The following SLC18A3 variants were observed in gnomAD, a reference collection of about 807,000 sequenced individuals.
SLC18A3 encodes solute carrier family 18 member A3.
Under a neutral mutation model 24.2 loss-of-function variants are expected in SLC18A3, and 18 were observed. That is an observed-to-expected ratio of 0.74 (90% CI 0.51 to 1.10). SLC18A3 has a LOEUF of 1.10. SLC18A3 is among the 50% of genes least tolerant of loss of function. SLC18A3 has a pLI of 0.00. For synonymous variants in SLC18A3, 415 were observed against 355.4 expected (o/e 1.17, Z -1.89); for missense variants, 744 against 750.7 (o/e 0.99, Z 0.10).
rs1297876171 is a variant in SLC18A3 at position 49,610,575 on chromosome 10, C to G, written c.-166C>G. 3.3e-6 allele frequency: 2 copies of G among 611,494 alleles called. No individual in the cohort carries two copies. Among genetic ancestry groups the G allele is most frequent in the Non-Finnish European group, 5.2e-6 (2 of 384,824 alleles). 37.9% of individuals were successfully genotyped at this position (611,494 alleles called of 1,614,324 possible). On this transcript the variant is annotated 5_prime_UTR_variant, in exon 1 of 1. Transcript: ENST00000374115. ...AACGCCTCGCCGGACGGAGTCCTTT[C>G]CTTTCCCGGGACGCTGGGCCATGAG...
Position 49,611,649 on chromosome 10 carries a change from T to A in SLC18A3, c.909T>A (p.Ile303=). ...CCGGCGCGCTCACCACCTGTAACAT[T>A]CCCCTCGCCTTCCTCGAACCCACCA... ...VVAGALTTCN[I]PLAFLEPTIA... The change falls in exon 1 of 1, where the codon ATT becomes ATA. Residue 303 remains isoleucine, a synonymous_variant. Coordinates refer to ENST00000374115, the MANE Select transcript of SLC18A3 (RefSeq NM_003055.3). 1 of 1,611,910 alleles carries A rather than the reference T, an allele frequency of 6.2e-7. No homozygotes were observed. The highest frequency in any genetic ancestry group is 8.5e-7 in the Non-Finnish European group (1 of 1,179,956).
In SLC18A3 at chr10:49,611,240, T is replaced by C; in HGVS notation, c.500T>C (p.Val167Ala). 2 of 1,613,718 alleles carry C rather than the reference T, an allele frequency of 1.2e-6. No individual in the cohort carries two copies. The highest frequency in any genetic ancestry group is 1.7e-6 in the Non-Finnish European group (2 of 1,180,000). Residue 167 changes from valine to alanine, a missense_variant, in exon 1 of 1, where the codon GTC becomes GCC. Coordinates refer to ENST00000374115, the MANE Select transcript of SLC18A3 (RefSeq NM_003055.3). Reference protein sequence around the residue: ...IGLGVMFASTVLFAFAEDYAT... With the variant: ...IGLGVMFASTALFAFAEDYAT... ...CTGGGCGTCATGTTCGCCTCTACAG[T>C]CCTGTTCGCCTTCGCCGAGGACTAC...
At position 49,611,268 on chromosome 10, in the gene SLC18A3, CA is replaced by C; in HGVS notation, c.529del (p.Thr177ArgfsTer21). 1 of 1,612,154 alleles carries C rather than the reference CA, an allele frequency of 6.2e-7. No homozygotes were observed. Among genetic ancestry groups the C allele is most frequent in the Non-Finnish European group, 8.5e-7 (1 of 1,179,980 alleles). On this transcript the variant is annotated frameshift_variant, in exon 1 of 1. Transcript: ENST00000374115. LOFTEE classifies it high-confidence loss of function. ...TGTTCGCCTTCGCCGAGGACTACGC[CA>C]CGCTGTTCGCGGCGCGCAGCCTGCA... ...VLFAFAEDYATLFAARSLQGL... is the reference protein window; with the variant it reads ...VLFAFAEDYAXLFAARSLQGL...
In SLC18A3 at chr10:49,611,279, C is replaced by G. The variant is rs771402838; in HGVS notation, c.539C>G (p.Ala180Gly). 6 of 1,610,666 alleles carry G rather than the reference C, an allele frequency of 3.7e-6. No homozygotes were observed. Among genetic ancestry groups the G allele is most frequent in the Middle Eastern group, 3.3e-4 (2 of 6,084 alleles). The change falls in exon 1 of 1, where the codon GCG becomes GGG. Residue 180 changes from alanine to glycine, a missense_variant. Ala to Gly is a moderately conservative substitution (Grantham distance 60, BLOSUM62 0). This residue lies in a region of SLC18A3 where 566 missense variants were observed against 566.2 expected (regional missense o/e 1.00). Coordinates refer to ENST00000374115, the MANE Select transcript of SLC18A3 (RefSeq NM_003055.3). Reference sequence around the variant, plus strand: ...GCCGAGGACTACGCCACGCTGTTCGCGGCGCGCAGCCTGCAGGGCCTGGGC... The same window carrying G: ...GCCGAGGACTACGCCACGCTGTTCGGGGCGCGCAGCCTGCAGGGCCTGGGC... ...AFAEDYATLF[A>G]ARSLQGLGSA...
Position 49,611,136 on chromosome 10 carries a change from T to C in SLC18A3, c.396T>C (p.Ala132=), listed in dbSNP as rs8175353. 0.022 allele frequency: 34,968 copies of C among 1,614,104 alleles called. 4,157 individuals carry two copies. The East Asian group carries it at 0.38, about 17-fold the overall frequency. The change falls in exon 1 of 1, where the codon GCT becomes GCC. Residue 132 remains alanine (A), a synonymous_variant. Coordinates refer to ENST00000374115, the MANE Select transcript of SLC18A3 (RefSeq NM_003055.3). ...VKIGVLFASK[A]ILQLLVNPLS... is the part of the protein sequence containing the mutation. ...TCGGGGTGCTGTTTGCTTCCAAGGC[T>C]ATCCTGCAGCTGCTAGTGAACCCCT... is the stretch of plus-strand genomic sequence containing the variant.
Position 49,610,724 on chromosome 10 carries a change from A to G in SLC18A3, c.-17A>G. The G allele has an allele frequency of 6.8e-7, 1 of 1,480,410 alleles. No individual in the cohort carries two copies. The highest frequency in any genetic ancestry group is 8.9e-7 in the Non-Finnish European group (1 of 1,120,140). The allele number at this position is 1,480,410 out of a possible 1,614,324, so 91.7% of individuals were successfully genotyped here. On this transcript the variant is annotated 5_prime_UTR_variant, in exon 1 of 1. Transcript: ENST00000374115. The stretch of plus-strand genomic sequence containing the variant: ...GCCCTGGCGGAGGCGTCCTCGGAAG[A>G]GCATCGGGGTGGGGGCATGGAATCC...
In SLC18A3 at chr10:49,610,686, A is replaced by T; in HGVS notation, c.-55A>T. ...CGTGCCCTCGCCTCTGCACTGCGGG[A>T]CGCCAGCGCTCGGCCCTGGCGGAGG... On this transcript the variant is annotated 5_prime_UTR_variant, in exon 1 of 1. Coordinates refer to ENST00000374115, the MANE Select transcript of SLC18A3 (RefSeq NM_003055.3). 6.9e-7 allele frequency: 1 copy of T among 1,438,896 alleles called. No individual in the cohort carries two copies. The highest frequency in any genetic ancestry group is 9.1e-7 in the Non-Finnish European group (1 of 1,099,868). 89.1% of individuals were successfully genotyped at this position (1,438,896 alleles called of 1,614,324 possible).
At position 49,612,300 on chromosome 10, in the gene SLC18A3, G is replaced by C. The variant is rs1838322556; in HGVS notation, c.1560G>C (p.Ala520=). The C allele has an allele frequency of 1.1e-5, 17 of 1,608,808 alleles. No individual in the cohort carries two copies. Among genetic ancestry groups the C allele is most frequent in the Non-Finnish European group, 1.4e-5 (17 of 1,177,956 alleles). The part of the protein sequence containing the change: ...EPRSPPGPFD[A]CEDDYNYYYT... ...GCAGCCCGCCTGGCCCTTTTGATGC[G>C]TGCGAGGACGACTACAACTACTACT... is the stretch of plus-strand genomic sequence containing the variant. The change falls in exon 1 of 1, where the codon GCG becomes GCC. Residue 520 remains alanine (A), a synonymous_variant. Transcript: ENST00000374115.
rs757619919 is a variant in SLC18A3 at position 49,611,361 on chromosome 10, G to A, written c.621G>A (p.Glu207=). The part of the protein sequence containing the change: ...IAMIADKYPE[E]PERSRALGVA... Reference sequence around the variant, plus strand: ...TGATCGCCGATAAGTACCCGGAGGAGCCGGAGCGCAGTCGTGCACTGGGCG... The same window carrying A: ...TGATCGCCGATAAGTACCCGGAGGAACCGGAGCGCAGTCGTGCACTGGGCG... Residue 207 remains glutamate (E), a synonymous_variant, in exon 1 of 1, where the codon GAG becomes GAA. Coordinates refer to ENST00000374115, the MANE Select transcript of SLC18A3 (RefSeq NM_003055.3). The A allele has an allele frequency of 1.0e-5, 16 of 1,600,398 alleles. No homozygotes were observed. The highest frequency in any genetic ancestry group is 1.4e-5 in the Non-Finnish European group (16 of 1,179,798).
chr10:49,611,728 GC>G lies in SLC18A3; in HGVS notation c.990del (p.Trp331GlyfsTer36). 1 of 1,606,050 alleles carries G rather than the reference GC, an allele frequency of 6.2e-7. No individual in the cohort carries two copies. Among genetic ancestry groups the G allele is most frequent in the Non-Finnish European group, 8.5e-7 (1 of 1,179,944 alleles). On this transcript the variant is annotated frameshift_variant, in exon 1 of 1. Transcript: ENST00000374115. LOFTEE classifies it high-confidence loss of function. ...GGCTTCCGAGTGGGAGATGGGCATGGCCTGGCTGCCGGCCTTCGTGCCTCAT... is the reference window on the plus strand; with the variant it reads ...GGCTTCCGAGTGGGAGATGGGCATGGCTGGCTGCCGGCCTTCGTGCCTCAT... Reference protein sequence around the residue: ...MAASEWEMGMAWLPAFVPHVL... With the variant: ...MAASEWEMGMXWLPAFVPHVL...
Position 49,612,700 on chromosome 10 carries a change from T to G in SLC18A3, c.*361T>G. 2 of 254,446 alleles carry G rather than the reference T, an allele frequency of 7.9e-6. No individual in the cohort carries two copies. Among genetic ancestry groups the G allele is most frequent in the South Asian group, 1.3e-4 (1 of 7,710 alleles). 15.8% of individuals were successfully genotyped at this position (254,446 alleles called of 1,614,324 possible). ...ACCGCGGCGCCTCCGCCCAAATCAA[T>G]AAACTGTGTCTGTCCCAGGAGGCCG... On this transcript the variant is annotated 3_prime_UTR_variant, in exon 1 of 1. Transcript: ENST00000374115.
chr10:49,611,055 G>A lies in SLC18A3; in HGVS notation c.315G>A (p.Trp105Ter). 6.2e-7 allele frequency: 1 copy of A among 1,614,006 alleles called. No individual in the cohort carries two copies. Among genetic ancestry groups the A allele is most frequent in the Non-Finnish European group, 8.5e-7 (1 of 1,179,956 alleles). Residue 105 changes from tryptophan (W) to a stop codon, truncating the protein, a stop_gained, in exon 1 of 1, where the codon TGG becomes TGA. Transcript: ENST00000374115. LOFTEE classifies it high-confidence loss of function. The stretch of plus-strand genomic sequence containing the variant: ...CCTCGGCGTCCCCGACAGCTGCGTG[G>A]CCAGCGGGCTCAGCCCTTCGGCCCC... Reference protein sequence around the residue: ...ANTSASPTAAWPAGSALRPRY... With the variant: ...ANTSASPTAA
chr10:49,611,952 G>T lies in SLC18A3; in HGVS notation c.1212G>T (p.Thr404=), dbSNP rs1460228975. Residue 404 remains threonine, a synonymous_variant, in exon 1 of 1, where the codon ACG becomes ACT. Coordinates refer to ENST00000374115, the MANE Select transcript of SLC18A3 (RefSeq NM_003055.3). ...TAGTCGACACAGCACTGCTGCCCAC[G>T]CTCGCCTTCCTGGTGGACGTGCGCC... ...IALVDTALLP[T]LAFLVDVRHV... 2.5e-6 allele frequency: 4 copies of T among 1,612,520 alleles called. No homozygotes were observed. The highest frequency in any genetic ancestry group is 2.7e-5 in the African/African-American group (2 of 75,050).
rs777372251 is a variant in SLC18A3 at position 49,611,789 on chromosome 10, C to T, written c.1049C>T (p.Ala350Val). Residue 350 changes from alanine (A) to valine (V), a missense_variant, in exon 1 of 1, where the codon GCG (alanine) becomes GTG (valine). This residue lies in a region of SLC18A3 where 566 missense variants were observed against 566.2 expected (regional missense o/e 1.00). Transcript: ENST00000374115. ...GTCTACCTCACCGTGCGCCTGGCGGCGCGCTACCCACACCTGCAGTGGCTG... is the reference window on the plus strand; with the variant it reads ...GTCTACCTCACCGTGCGCCTGGCGGTGCGCTACCCACACCTGCAGTGGCTG... ...LGVYLTVRLAARYPHLQWLYG... is the reference protein window; with the variant it reads ...LGVYLTVRLAVRYPHLQWLYG... 30 of 1,602,786 alleles carry T rather than the reference C, an allele frequency of 1.9e-5. No homozygotes were observed. The highest frequency in any genetic ancestry group is 2.3e-5 in the Non-Finnish European group (27 of 1,179,852).
Position 49,612,599 on chromosome 10 carries a change from T to C in SLC18A3, c.*260T>C. On this transcript the variant is annotated 3_prime_UTR_variant, in exon 1 of 1. Transcript: ENST00000374115. ...GTGAAGAGGACCCTGAGTCCCCACC[T>C]GCGGCTCCCCTGTGTAGAGCCTGCA... The C allele has an allele frequency of 4.1e-6, 2 of 491,408 alleles. No homozygotes were observed. Among genetic ancestry groups the C allele is most frequent in the South Asian group, 4.4e-5 (1 of 22,552 alleles). The allele number at this position is 491,408 out of a possible 1,614,324, so 30.4% of individuals were successfully genotyped here.
At position 49,610,788 on chromosome 10, in the gene SLC18A3, G is replaced by A; in HGVS notation, c.48G>A (p.Lys16=). The A allele has an allele frequency of 1.9e-6, 3 of 1,577,026 alleles. No homozygotes were observed. The highest frequency in any genetic ancestry group is 1.2e-5 in the South Asian group (1 of 86,564). The part of the protein sequence containing the change: ...PAGQARAAAT[K]LSEAVGAALQ... ...GCCAGGCCCGGGCGGCGGCCACCAA[G>A]CTGTCGGAGGCTGTGGGCGCGGCGC... Residue 16 remains lysine, a synonymous_variant, in exon 1 of 1, where the codon AAG becomes AAA. Transcript: ENST00000374115.
rs1192298145 is a variant in SLC18A3 at position 49,612,027 on chromosome 10, G to T, written c.1287G>T (p.Ser429=). 4.3e-6 allele frequency: 7 copies of T among 1,613,598 alleles called. No individual in the cohort carries two copies. The highest frequency in any genetic ancestry group is 1.6e-4 in the Middle Eastern group (1 of 6,084). Residue 429 remains serine, a synonymous_variant, in exon 1 of 1, where the codon TCG becomes TCT. Coordinates refer to ENST00000374115, the MANE Select transcript of SLC18A3 (RefSeq NM_003055.3). The part of the protein sequence containing the change: ...SVYAIADISY[S]VAYALGPIVA... The stretch of plus-strand genomic sequence containing the variant: ...ACGCCATCGCCGACATCTCCTATTC[G>T]GTGGCCTACGCGCTCGGGCCCATAG...
In SLC18A3 at chr10:49,612,607, C is replaced by T. The variant is rs893457049; in HGVS notation, c.*268C>T. 4.2e-6 allele frequency: 2 copies of T among 479,348 alleles called. No homozygotes were observed. The highest frequency in any genetic ancestry group is 7.5e-6 in the Non-Finnish European group (2 of 265,010). The allele number at this position is 479,348 out of a possible 1,614,324, so 29.7% of individuals were successfully genotyped here. On this transcript the variant is annotated 3_prime_UTR_variant, in exon 1 of 1. Transcript: ENST00000374115. Reference sequence around the variant, plus strand: ...GACCCTGAGTCCCCACCTGCGGCTCCCCTGTGTAGAGCCTGCATCTGTCTG... The same window carrying T: ...GACCCTGAGTCCCCACCTGCGGCTCTCCTGTGTAGAGCCTGCATCTGTCTG...
At position 49,611,508 on chromosome 10, in the gene SLC18A3, G is replaced by A. The variant is rs761325222; in HGVS notation, c.768G>A (p.Ala256=). The change falls in exon 1 of 1, where the codon GCG becomes GCA. Residue 256 remains alanine, a synonymous_variant. Transcript: ENST00000374115. The stretch of plus-strand genomic sequence containing the variant: ...TAGCTGCCGTGTCGCTCTTTGACGC[G>A]CTGTTGCTGCTGGCAGTGGCCAAAC... ...LVLAAVSLFD[A]LLLLAVAKPF... The A allele has an allele frequency of 2.5e-6, 4 of 1,600,994 alleles. No homozygotes were observed. The highest frequency in any genetic ancestry group is 3.4e-6 in the Non-Finnish European group (4 of 1,179,888).
Sources: allele counts gnomAD v4.1 joint callset, GRCh38; gene constraint gnomAD v4.1.1; regional missense constraint gnomAD v4.1.1; transcripts MANE v1.5; gene names NCBI Gene and HGNC (gene_info 2026-07-23, HGNC 2026-07-21).